MLLT3: variants seen among roughly 807,000 people sequenced by gnomAD.
MLLT3 encodes MLLT3 super elongation complex subunit.
In MLLT3, 4 loss-of-function variants were observed where a neutral mutation model predicts 53.2. The observed-to-expected ratio is 0.08, with a 90% CI of 0.04 to 0.17. The LOEUF (loss-of-function observed/expected upper bound fraction) is 0.17. Ranked by LOEUF, MLLT3 falls within the 10% of genes least tolerant of loss-of-function variation. The pLI, the probability that MLLT3 is intolerant of heterozygous loss-of-function variation, is 1.00. For synonymous variants in MLLT3, 283 were observed against 230.6 expected (o/e 1.23, Z -2.06); for missense variants, 569 against 684.0 (o/e 0.83, Z 1.87).
chr9:20,367,565 G>C (rs1821489944), intron 5 of MLLT3, among the ~76,000 whole-genome samples: 1 of 152,158 alleles, frequency 6.6e-6, no homozygotes, highest in South Asian at 2.1e-4. Context: ...ATGGACCTAA[G>C]TGTGCAAATA....
intron 2 of MLLT3, among the ~76,000 whole-genome samples, chr9:20,480,369 G>A (rs978622572): frequency 6.6e-6 from 1 of 152,002 alleles, no homozygotes; most frequent in Non-Finnish European, 1.5e-5. Context: ...CCTTATTCGT[G>A]GCTTCTTGCC....
In MLLT3 at chr9:20,498,972, A is replaced by T. The variant is rs141662920; in HGVS notation, c.194-42186T>A. Among the ~76,000 whole-genome samples, 400 of 152,348 alleles carry T rather than the reference A, an allele frequency of 2.6e-3. 2 individuals carry two copies. The highest frequency in any genetic ancestry group is 4.2e-3 in the Non-Finnish European group (283 of 68,028). On this transcript the variant is annotated intron_variant, in intron 2 of 10. Transcript: ENST00000380338. ...CAACAGGAATTTAACCATTCATGCT[A>T]GAATTCTGAAATCAAAGTGTCAGTA...
intron 4 of MLLT3, among the ~76,000 whole-genome samples, chr9:20,418,817 G>C (rs1822938946): frequency 6.6e-6 from 1 of 152,112 alleles, no homozygotes; most frequent in South Asian, 2.1e-4. Context: ...GGTATGGCCA[G>C]CCTTCCCAGC....
rs531802561 is a variant in MLLT3 at position 20,507,957 on chromosome 9, T to G, written c.194-51171A>C. ...AAAAAAAGAATAAAAGCAGTTTACA[T>G]GAGGGGAGAGGTAGCCATAATAAAT... On this transcript the variant is annotated intron_variant, in intron 2 of 10. Coordinates refer to ENST00000380338, the MANE Select transcript of MLLT3 (RefSeq NM_004529.4). Among the ~76,000 whole-genome samples the G allele has an allele frequency of 3.3e-5, 5 of 152,182 alleles. No individual in the cohort carries two copies. In the South Asian group the frequency reaches 1.0e-3, roughly 32 times the overall value.
At chr9:20,411,924 TC>T (rs1457537563) in intron 5 of MLLT3, 1 of 152,204 alleles carries the variant, frequency 6.6e-6, no homozygotes, top group African/African-American at 2.4e-5. Flanking sequence ...AAGGTGCCTT[TC>T]AAAATTTTGA....
At chr9:20,567,595 C>T (rs1026211806) in intron 2 of MLLT3, among the ~76,000 whole-genome samples, 3 of 152,222 alleles carry the variant, frequency 2.0e-5, no homozygotes, top group South Asian at 4.2e-4. Context: ...TCCAAGAAAG[C>T]GTAACTGCAA....
intron 4 of MLLT3, among the ~76,000 whole-genome samples, chr9:20,425,051 C>A (rs1160761225): frequency 1.3e-5 from 2 of 152,098 alleles, no homozygotes; most frequent in African/African-American, 4.8e-5. Flanking sequence ...TCAACCCTTA[C>A]AACGTAAGTG....
Position 20,344,877 on chromosome 9 carries a change from G to T in MLLT3, c.*1566C>A, listed in dbSNP as rs1820825780. ...CATGGGAACAAACAAGGGAGATACTGGTCTATTAGCACACATAGAGACTTT... is the reference window on the plus strand; with the variant it reads ...CATGGGAACAAACAAGGGAGATACTTGTCTATTAGCACACATAGAGACTTT... On this transcript the variant is annotated 3_prime_UTR_variant, in exon 11 of 11. Transcript: ENST00000380338. 4.7e-6 allele frequency: 1 copy of T among 211,886 alleles called. No individual in the cohort carries two copies. Among genetic ancestry groups the T allele is most frequent in the Non-Finnish European group, 9.6e-6 (1 of 104,710 alleles). The allele number at this position is 211,886 out of a possible 1,614,324, so 13.1% of individuals were successfully genotyped here.
At chr9:20,461,210 G>C (rs1452765439) in intron 2 of MLLT3, among the ~76,000 whole-genome samples, 1 of 152,062 alleles carries the variant, frequency 6.6e-6, no homozygotes, top group African/African-American at 2.4e-5. Flanking sequence ...AGTGTAATTG[G>C]GTTTAATTGC....
chr9:20,362,680 G>C lies in MLLT3; in HGVS notation c.1331+796C>G, dbSNP rs1173962760. ...AAAGCATTGGCAATTAGGAAGCATC[G>C]GTCTCTCCAGTTTGGGTTAAGACCG... On this transcript the variant is annotated intron_variant, in intron 7 of 10. Coordinates refer to ENST00000380338, the MANE Select transcript of MLLT3 (RefSeq NM_004529.4). 2.0e-5 allele frequency: 3 copies of C among 147,744 alleles called. No homozygotes were observed. In the East Asian group the frequency reaches 6.1e-4, roughly 30 times the overall value. The allele number at this position is 147,744 out of a possible 1,614,324, so 9.2% of individuals were successfully genotyped here. A position where few individuals can be genotyped will look rare whatever the true frequency, so the allele number is the denominator to read the frequency against.
chr9:20,416,289 C>T (rs1822869708), intron 4 of MLLT3, among the ~76,000 whole-genome samples: 2 of 151,698 alleles, frequency 1.3e-5, no homozygotes, highest in South Asian at 4.2e-4. Flanking sequence ...CTCTAGAATA[C>T]TCAAGTATCA....
chr9:20,590,084 T>C (rs760863229), intron 2 of MLLT3, among the ~76,000 whole-genome samples: 5 of 152,172 alleles, frequency 3.3e-5, no homozygotes, highest in Non-Finnish European at 7.3e-5. Context: ...ATTTACAAAG[T>C]CATCTAGGTC....
intron 2 of MLLT3, among the ~76,000 whole-genome samples, chr9:20,502,706 G>C (rs1294209977): frequency 5.9e-5 from 9 of 152,184 alleles, no homozygotes. Context: ...TTTTATATCA[G>C]AGATTTCAGA....
intron 2 of MLLT3, among the ~76,000 whole-genome samples, chr9:20,603,320 G>C (rs1820481911): frequency 6.6e-6 from 1 of 152,000 alleles, no homozygotes; most frequent in Admixed American, 6.6e-5. Context: ...TTTCAGCTCT[G>C]ATCTCAAGAA....
At chr9:20,617,960 A>C (rs1230577488) in intron 2 of MLLT3, among the ~76,000 whole-genome samples, 1 of 152,216 alleles carries the variant, frequency 6.6e-6, no homozygotes, top group Non-Finnish European at 1.5e-5. Context: ...CAACCTGAAA[A>C]TCAATTCACT....
intron 2 of MLLT3, among the ~76,000 whole-genome samples, chr9:20,579,784 T>C (rs141993034): frequency 1.2e-4 from 18 of 152,206 alleles, no homozygotes; most frequent in African/African-American, 4.3e-4. Flanking sequence ...AGACAGGACA[T>C]GGTAACAGCA....
intron 2 of MLLT3, among the ~76,000 whole-genome samples, chr9:20,590,454 T>C (rs1039723050): frequency 2.0e-5 from 3 of 152,204 alleles, no homozygotes. Context: ...CACGCTGTTC[T>C]CATGATAGTG....
intron 2 of MLLT3, among the ~76,000 whole-genome samples, chr9:20,554,945 G>A (rs540863262): frequency 1.3e-5 from 2 of 152,210 alleles, no homozygotes; most frequent in South Asian, 2.1e-4. Flanking sequence ...CCTAATGAAC[G>A]GTGGAAAGAG....
intron 5 of MLLT3, among the ~76,000 whole-genome samples, chr9:20,370,168 T>G (rs1821561651): frequency 6.6e-6 from 1 of 152,224 alleles, no homozygotes; most frequent in African/African-American, 2.4e-5. Context: ...CATCATGCCA[T>G]TTTTCCAACA....
Sources: gnomAD v4.1 joint callset for allele counts (sites outside exome capture counted in the v4.1 genomes callset) on GRCh38, gnomAD v4.1.1 for gene constraint, MANE v1.5 for transcripts, NCBI Gene and HGNC (gene_info 2026-07-23, HGNC 2026-07-21) for gene names.